Variants in PPP2R5E observed in about 807,000 individuals in gnomAD.
PPP2R5E encodes serine/threonine-protein phosphatase 2A 56 kDa regulatory subunit epsilon isoform.
In PPP2R5E, 4 loss-of-function variants were observed where a neutral mutation model predicts 65.3. The observed-to-expected ratio is 0.06, with a 90% CI of 0.03 to 0.14. PPP2R5E has a LOEUF of 0.14. Among genes scored for constraint, PPP2R5E ranks in the 10% least tolerant of loss-of-function variants. The pLI is 1.00. For synonymous variants in PPP2R5E, 183 were observed against 187.4 expected (o/e 0.98, Z 0.19); for missense variants, 274 against 556.1 (o/e 0.49, Z 5.10).
intron 2 of PPP2R5E, among the ~76,000 whole-genome samples, chr14:63,511,442 C>G (rs1364759240): frequency 2.0e-5 from 3 of 152,142 alleles, no homozygotes; most frequent in African/African-American, 7.2e-5. Context: ...TGAGTGAGCT[C>G]AGAGGAGAAG....
chr14:63,487,232 A>G (rs1891041759), intron 2 of PPP2R5E, among the ~76,000 whole-genome samples: 1 of 152,248 alleles, frequency 6.6e-6, no homozygotes, highest in Non-Finnish European at 1.5e-5. Flanking sequence ...AATTTCCATA[A>G]TGTCATATTA....
At chr14:63,388,592 T>A (rs1884821761) in intron 11 of PPP2R5E, among the ~76,000 whole-genome samples, 1 of 152,208 alleles carries the variant, frequency 6.6e-6, no homozygotes, top group Non-Finnish European at 1.5e-5. Context: ...TTCTGTAATT[T>A]TTCCATTTTT....
chr14:63,395,193 T>C (rs767265482), intron 7 of PPP2R5E, 33 bp downstream of exon 7: 49 of 1,564,350 alleles, frequency 3.1e-5, no homozygotes, highest in Middle Eastern at 1.7e-4. Flanking sequence ...ATAATATTCA[T>C]CTGAGATTAG....
chr14:63,480,521 A>G (rs1413716620), intron 2 of PPP2R5E, among the ~76,000 whole-genome samples: 1 of 152,114 alleles, frequency 6.6e-6, no homozygotes, highest in Non-Finnish European at 1.5e-5. Flanking sequence ...TCATAGTTCA[A>G]TGCAGCCTCC....
chr14:63,420,599 C>T (rs1473508912), intron 4 of PPP2R5E, among the ~76,000 whole-genome samples: 2 of 152,140 alleles, frequency 1.3e-5, no homozygotes, highest in Non-Finnish European at 2.9e-5. Flanking sequence ...TACGTAACAA[C>T]GGGAAATAGC....
intron 2 of PPP2R5E, among the ~76,000 whole-genome samples, chr14:63,481,153 T>C (rs1890676669): frequency 6.6e-6 from 1 of 152,070 alleles, no homozygotes; most frequent in African/African-American, 2.4e-5. Context: ...TATCTCTTAT[T>C]TATATAATTA....
At chr14:63,513,126 AGAGTT>A (rs1892528312) in intron 2 of PPP2R5E, among the ~76,000 whole-genome samples, 1 of 152,158 alleles carries the variant, frequency 6.6e-6, no homozygotes. Flanking sequence ...ACCACTCACT[AGAGTT>A]TATAGGCCTA....
chr14:63,415,315 A>C, intron 4 of PPP2R5E, 83 bp from the exon 5 acceptor site: 1 of 910,096 alleles, frequency 1.1e-6, no homozygotes, highest in Non-Finnish European at 1.6e-6. Flanking sequence ...TGTAACACTA[A>C]AAGTGACAGG....
intron 3 of PPP2R5E, among the ~76,000 whole-genome samples, chr14:63,426,803 T>C (rs1887365892): frequency 6.6e-6 from 1 of 151,952 alleles, no homozygotes; most frequent in South Asian, 2.1e-4. Context: ...AGTTTAACTG[T>C]ACAGTTGAGC....
chr14:63,423,467 T>C lies in PPP2R5E; in HGVS notation c.355-1373A>G, dbSNP rs181722634. ...TGGTACTAGTCTCAGGATTCCTTTCTGGTTTCTGTTTCTTGCCCCACTCAC... is the reference window on the plus strand; with the variant it reads ...TGGTACTAGTCTCAGGATTCCTTTCCGGTTTCTGTTTCTTGCCCCACTCAC... On this transcript the variant is annotated intron_variant, in intron 3 of 13. Coordinates refer to ENST00000337537, the MANE Select transcript of PPP2R5E (RefSeq NM_006246.5). 3.9e-5 allele frequency among the ~76,000 whole-genome samples: 6 copies of C among 152,298 alleles called. No individual in the cohort carries two copies. In the East Asian group the frequency reaches 9.7e-4, roughly 25 times the overall value.
chr14:63,532,817 T>C (rs1192074586), intron 2 of PPP2R5E, among the ~76,000 whole-genome samples: 3 of 152,182 alleles, frequency 2.0e-5, no homozygotes, highest in Admixed American at 1.3e-4. Context: ...ACCACTAAAA[T>C]AGATGACATT....
chr14:63,391,793 C>A (rs757414637), intron 10 of PPP2R5E, 24 bp downstream of exon 10: 2 of 1,606,882 alleles, frequency 1.2e-6, no homozygotes, highest in East Asian at 2.2e-5. Flanking sequence ...AAGCTATGAA[C>A]ACTCTCTGAC....
intron 3 of PPP2R5E, among the ~76,000 whole-genome samples, chr14:63,429,762 C>T (rs1274566478): frequency 6.6e-6 from 1 of 151,932 alleles, no homozygotes; most frequent in African/African-American, 2.4e-5. Flanking sequence ...TGGCTCACTG[C>T]AACCTCCACC....
At chr14:63,441,508 T>A (rs1423895189) in intron 3 of PPP2R5E, among the ~76,000 whole-genome samples, 3 of 152,230 alleles carry the variant, frequency 2.0e-5, no homozygotes, top group Non-Finnish European at 4.4e-5. Context: ...GTGAGCAGCA[T>A]CCAGCATAGA....
At chr14:63,461,100 C>T (rs921853025) in intron 2 of PPP2R5E, among the ~76,000 whole-genome samples, 13 of 152,214 alleles carry the variant, frequency 8.5e-5, no homozygotes, top group South Asian at 6.2e-4. Context: ...AAACTCACCA[C>T]AGGACAGATG....
chr14:63,447,327 T>C (rs1358749092), intron 3 of PPP2R5E, among the ~76,000 whole-genome samples: 2 of 152,260 alleles, frequency 1.3e-5, no homozygotes, highest in Non-Finnish European at 2.9e-5. Context: ...TCTGGACAAC[T>C]TGCGGCAGCT....
chr14:63,398,497 AT>A (rs1885539086), intron 5 of PPP2R5E, among the ~76,000 whole-genome samples: 1 of 152,244 alleles, frequency 6.6e-6, no homozygotes, highest in Non-Finnish European at 1.5e-5. Flanking sequence ...GCTCTATTTT[AT>A]TGATCATTAC....
At chr14:63,403,532 C>T (rs1222243010) in intron 5 of PPP2R5E, among the ~76,000 whole-genome samples, 2 of 150,600 alleles carry the variant, frequency 1.3e-5, no homozygotes, top group Non-Finnish European at 2.9e-5. Context: ...CAAGCAAAGA[C>T]ACAGTCTAGA....
chr14:63,449,625 A>G (rs1360975135), intron 3 of PPP2R5E, among the ~76,000 whole-genome samples: 1 of 152,096 alleles, frequency 6.6e-6, no homozygotes, highest in Non-Finnish European at 1.5e-5. Flanking sequence ...ATATGTATGT[A>G]TGGTGTTGAG....
Sources: allele counts gnomAD v4.1 joint callset (sites outside exome capture counted in the v4.1 genomes callset), GRCh38; gene constraint gnomAD v4.1.1; transcripts MANE v1.5; gene names NCBI Gene and HGNC (gene_info 2026-07-23, HGNC 2026-07-21).